The following NR2C1 variants were observed in gnomAD, a reference collection of about 807,000 sequenced individuals.
NR2C1 encodes TR2 nuclear hormone receptor.
A neutral mutation model predicts 74.8 loss-of-function variants in NR2C1; 33 were observed. That is an observed-to-expected ratio of 0.44 (90% CI 0.33 to 0.59). The LOEUF (loss-of-function observed/expected upper bound fraction) is 0.59, where lower values mean the gene tolerates loss of function less well. Ranked by LOEUF, NR2C1 falls within the 20% of genes least tolerant of loss-of-function variation. NR2C1 has a pLI of 0.02. For missense variants in NR2C1, 568 were observed against 715.6 expected (o/e 0.79, Z 2.35); for synonymous variants, 225 against 240.6 (o/e 0.94, Z 0.60).
intron 12 of NR2C1, chr12:95,026,763 A>G (rs1869420142): frequency 6.6e-6 from 1 of 152,234 alleles, no homozygotes; most frequent in African/African-American, 2.4e-5. Flanking sequence ...GAACAGAAAC[A>G]TATCAGAATG....
chr12:95,032,359 G>A (rs1207350260), intron 10 of NR2C1, among the ~76,000 whole-genome samples: 1 of 152,012 alleles, frequency 6.6e-6, no homozygotes, highest in Admixed American at 6.6e-5. Context: ...CAAGGAGGCT[G>A]AGGCAGGAGA....
chr12:95,050,580 A>T (rs1356102049), intron 8 of NR2C1, among the ~76,000 whole-genome samples: 1 of 151,916 alleles, frequency 6.6e-6, no homozygotes. Flanking sequence ...AAGTGGTAGG[A>T]TTACAGGCAT....
chr12:95,037,344 C>A (rs1452535227), intron 10 of NR2C1, among the ~76,000 whole-genome samples: 5 of 152,180 alleles, frequency 3.3e-5, no homozygotes, highest in African/African-American at 9.7e-5. Context: ...AAAATCAATA[C>A]CTTTGTAAAA....
chr12:95,060,076 A>C, intron 3 of NR2C1, 92 bp from the exon 4 acceptor site: 1 of 1,023,578 alleles, frequency 9.8e-7, no homozygotes, highest in Non-Finnish European at 1.4e-6. Flanking sequence ...AAGAACATTC[A>C]GTTGGTCTTG....
At chr12:95,033,644 T>C (rs78069065) in intron 10 of NR2C1, among the ~76,000 whole-genome samples, 168 of 152,304 alleles carry the variant, frequency 1.1e-3, no homozygotes, top group African/African-American at 4.0e-3. Context: ...CCTTAAAATA[T>C]AGCTCAGAGT....
chr12:95,030,771 G>A, intron 11 of NR2C1: 1 of 1,611,348 alleles, frequency 6.2e-7, no homozygotes, highest in South Asian at 1.1e-5. Flanking sequence ...TTTGTTGATG[G>A]GGCACTGTTT....
rs1868661960 is a variant in NR2C1, at chr12:95,020,314, A to G, written c.*1915T>C. 6.6e-6 allele frequency: 1 copy of G among 152,226 alleles called. No individual in the cohort carries two copies. Among genetic ancestry groups the G allele is most frequent in the African/African-American group, 2.4e-5 (1 of 41,458 alleles). 9.4% of individuals were successfully genotyped at this position (152,226 alleles called of 1,614,324 possible). ...GCAAGTCACATTTTAATATAGTTTT[A>G]AAGTCTTCCAAATATAGTAGCAAAT... On this transcript the variant is annotated 3_prime_UTR_variant, in exon 14 of 14. Coordinates refer to ENST00000333003, the MANE Select transcript of NR2C1 (RefSeq NM_003297.4).
chr12:95,036,774 G>C (rs1249675532), intron 10 of NR2C1, among the ~76,000 whole-genome samples: 1 of 152,152 alleles, frequency 6.6e-6, no homozygotes, highest in Non-Finnish European at 1.5e-5. Context: ...GCCTCCCAAA[G>C]TGCTGAGATT....
chr12:95,023,534 G>C (rs528178322), intron 13 of NR2C1, among the ~76,000 whole-genome samples: 1 of 152,228 alleles, frequency 6.6e-6, no homozygotes, highest in Non-Finnish European at 1.5e-5. Flanking sequence ...GAAAAGCACA[G>C]AATGTGGAAT....
chr12:95,072,900 T>G (rs2136218968), intron 1 of NR2C1: 1 of 152,206 alleles, frequency 6.6e-6, no homozygotes, highest in Non-Finnish European at 1.5e-5. Flanking sequence ...CGGGAGTTAG[T>G]GACGGGATGC....
At chr12:95,069,779 TATGCATCCATGC>T (rs1257859030) in intron 1 of NR2C1, among the ~76,000 whole-genome samples, 1 of 152,168 alleles carries the variant, frequency 6.6e-6, no homozygotes, top group Non-Finnish European at 1.5e-5. Flanking sequence ...TCCATGCATC[TATGCATCCATGC>T]ATGCATCCAT....
chr12:95,030,659 T>C, intron 11 of NR2C1: 1 of 1,609,430 alleles, frequency 6.2e-7, no homozygotes, highest in Non-Finnish European at 8.5e-7. Flanking sequence ...AGCAAATGAT[T>C]TAAAAATTAT....
At chr12:95,065,099 C>G (rs577097147) in intron 2 of NR2C1, among the ~76,000 whole-genome samples, 1 of 152,278 alleles carries the variant, frequency 6.6e-6, no homozygotes, top group South Asian at 2.1e-4. Context: ...ATCCAAAGAG[C>G]CTTCAATAGA....
chr12:95,023,799 T>C lies in NR2C1; in HGVS notation c.1637+1351A>G, dbSNP rs377470275. ...ATGTAAAAAACTGAGAAAGCTGCAG[T>C]CACAAAGGAAAAAAATTTAAATACT... On this transcript the variant is annotated intron_variant, in intron 13 of 13. Transcript: ENST00000333003. Among the ~76,000 whole-genome samples, 40 of 152,258 alleles carry C rather than the reference T, an allele frequency of 2.6e-4. 4 individuals carry two copies. Among genetic ancestry groups the C allele is most frequent in the East Asian group, 1.5e-3 (8 of 5,192 alleles).
At chr12:95,049,297 T>C (rs553175946) in intron 8 of NR2C1, 64 bp from the exon 9 acceptor site, 18 of 1,500,564 alleles carry the variant, frequency 1.2e-5, no homozygotes, top group African/African-American at 2.8e-5. Flanking sequence ...CAATTCTACA[T>C]AGGATTCTGG....
At chr12:95,053,375 T>A (rs894859890) in intron 7 of NR2C1, among the ~76,000 whole-genome samples, 2 of 152,148 alleles carry the variant, frequency 1.3e-5, no homozygotes, top group Non-Finnish European at 2.9e-5. Flanking sequence ...TTTTGACAAC[T>A]CAGAAATATA....
chr12:95,062,816 C>A lies in NR2C1; in HGVS notation c.55-78G>T. 1 of 1,056,086 alleles carries A rather than the reference C, an allele frequency of 9.5e-7. No homozygotes were observed. Among genetic ancestry groups the A allele is most frequent in the Admixed American group, 1.9e-5 (1 of 53,556 alleles). The allele number at this position is 1,056,086 out of a possible 1,614,324, so 65.4% of individuals were successfully genotyped here. On this transcript the variant is annotated intron_variant, in intron 2 of 13. Coordinates refer to ENST00000333003, the MANE Select transcript of NR2C1 (RefSeq NM_003297.4). ...ACACAATTATCTTCTTAGAAAAGCA[C>A]ATTACATATATATTCAATATAACAC...
chr12:95,067,309 ATCAACCG>A lies in NR2C1; in HGVS notation c.54+15_54+21del, dbSNP rs1875860642. ...TTAGAAAAGTTTGGTGGGCCAGTGC[ATCAACCG>A]TAAACTAGACATACCTCTCCCATCT... On this transcript the variant is annotated intron_variant, in intron 2 of 13. Coordinates refer to ENST00000333003, the MANE Select transcript of NR2C1 (RefSeq NM_003297.4). 1 of 1,607,986 alleles carries A rather than the reference ATCAACCG, an allele frequency of 6.2e-7. No homozygotes were observed. Among genetic ancestry groups the A allele is most frequent in the African/African-American group, 1.3e-5 (1 of 74,920 alleles).
At chr12:95,042,200 A>T (rs563685753) in intron 9 of NR2C1, among the ~76,000 whole-genome samples, 30 of 150,412 alleles carry the variant, frequency 2.0e-4, no homozygotes, top group African/African-American at 5.4e-4. Flanking sequence ...TATAGCTTTC[A>T]TCAGATTCTC....
Sources: allele counts gnomAD v4.1 joint callset (sites outside exome capture counted in the v4.1 genomes callset), GRCh38; gene constraint gnomAD v4.1.1; transcripts MANE v1.5; gene names NCBI Gene and HGNC (gene_info 2026-07-23, HGNC 2026-07-21).